Variants in RNF213 observed in about 807,000 individuals in gnomAD.
RNF213 encodes E3 ubiquitin-protein ligase RNF213.
A neutral mutation model predicts 514.4 loss-of-function variants in RNF213; 341 were observed. The ratio of observed to expected loss-of-function variants is 0.66; its 90% CI spans 0.61 to 0.73. RNF213 has a LOEUF of 0.73. Among genes scored for constraint, RNF213 ranks in the 30% least tolerant of loss-of-function variants. The pLI is 0.00. For missense variants in RNF213, 5,767 were observed against 6,615.6 expected (o/e 0.87, Z 4.45); for synonymous variants, 2,655 against 2,658.2 (o/e 1.00, Z 0.04).
chr17:80,392,639 G>A (rs1378965009), intron 67 of RNF213, among the ~76,000 whole-genome samples: 2 of 151,978 alleles, frequency 1.3e-5, no homozygotes, highest in Non-Finnish European at 2.9e-5. Flanking sequence ...GCCCAGGCTG[G>A]AGTGCAGTGG....
Position 80,327,905 on chromosome 17 carries a change from G to A in RNF213, c.3283G>A (p.Asp1095Asn). 6.5e-7 allele frequency: 1 copy of A among 1,537,252 alleles called. No individual in the cohort carries two copies. Among genetic ancestry groups the A allele is most frequent in the Non-Finnish European group, 8.7e-7 (1 of 1,146,916 alleles). ...ADSVLTKVVG[D>N]LLSGTILVGQ... ...CTCTGTGTTGACGAAAGTTGTTGGT[G>A]ACCTCCTAAGTGGCACGATTTTAGT... The change falls in exon 19 of 68, where the codon GAC (aspartate) becomes AAC (asparagine). Residue 1095 changes from aspartate (D) to asparagine (N), a missense_variant. Around this residue, in one of 13 missense-constraint regions of RNF213, gnomAD observed 516 missense variants for 566.5 expected, o/e 0.91. Coordinates refer to ENST00000582970, the MANE Select transcript of RNF213 (RefSeq NM_001256071.3).
rs1022708291 is a variant in RNF213, at chr17:80,354,459, C to G, written c.10745C>G (p.Ser3582Cys). 1 of 1,614,214 alleles carries G rather than the reference C, an allele frequency of 6.2e-7. No individual in the cohort carries two copies. Among genetic ancestry groups the G allele is most frequent in the Non-Finnish European group, 8.5e-7 (1 of 1,180,042 alleles). ...DACHASFLRVSKMRLSVFLKK... is the reference protein window; with the variant it reads ...DACHASFLRVCKMRLSVFLKK... ...TGTACAGCCTCTTTCTTGCGGGTAT[C>G]CAAGATGCGCCTCAGTGTCTTTTTA... Residue 3582 changes from serine (S) to cysteine (C), a missense_variant, in exon 36 of 68, where the codon TCC becomes TGC. By Grantham distance (112) the Ser-to-Cys change is moderately radical. Coordinates refer to ENST00000582970, the MANE Select transcript of RNF213 (RefSeq NM_001256071.3).
chr17:80,276,339 C>G (rs1035356106), intron 3 of RNF213, among the ~76,000 whole-genome samples: 2 of 151,332 alleles, frequency 1.3e-5, no homozygotes, highest in African/African-American at 4.9e-5. Context: ...ACTTCAGGTG[C>G]TCTGCCCACC....
At chr17:80,276,256 A>G (rs8074544) in intron 3 of RNF213, among the ~76,000 whole-genome samples, 60,450 of 151,490 alleles carry the variant, frequency 0.4, 12,240 homozygotes, top group Non-Finnish European at 0.44. Context: ...ATGCACCACC[A>G]TGTCTGGCTA....
At chr17:80,390,288 T>A in intron 67 of RNF213, 92 bp downstream of exon 67, 1 of 1,401,656 alleles carries the variant, frequency 7.1e-7, no homozygotes, top group Non-Finnish European at 1.0e-6. Context: ...GTTCTTTTCT[T>A]ACCACAGAAT....
intron 61 of RNF213, 46 bp downstream of exon 61, chr17:80,385,667 C>A (rs756838073): frequency 6.6e-7 from 1 of 1,511,206 alleles, no homozygotes; most frequent in Non-Finnish European, 9.2e-7. Context: ...AGGAGAGCCT[C>A]GTCTGAAAGC....
At position 80,340,091 on chromosome 17, in the gene RNF213, G is replaced by T. The variant is rs757738943; in HGVS notation, c.5724G>T (p.Ala1908=). ...DQLSYEVARQ[A]EELFHNLCTQ... ...TGAGCTACGAGGTGGCACGCCAAGC[G>T]GAGGAGCTTTTCCACAATCTGTGCA... Residue 1908 remains alanine (A), a synonymous_variant, in exon 26 of 68, where the codon GCG becomes GCT. Transcript: ENST00000582970. 2.5e-6 allele frequency: 4 copies of T among 1,607,086 alleles called. No individual in the cohort carries two copies. The highest frequency in any genetic ancestry group is 3.4e-6 in the Non-Finnish European group (4 of 1,178,012).
Position 80,344,024 on chromosome 17 carries a change from T to C in RNF213, c.6342+9T>C. The C allele has an allele frequency of 6.2e-7, 1 of 1,610,392 alleles. No individual in the cohort carries two copies. Among genetic ancestry groups the C allele is most frequent in the South Asian group, 1.1e-5 (1 of 90,626 alleles). ...GGAGCTCTTCAGCGCTGGTCTGTAC[T>C]GTGGGGCGTTTTCGCCTGGCGTGGG... On this transcript the variant is annotated intron_variant, in intron 28 of 67. Coordinates refer to ENST00000582970, the MANE Select transcript of RNF213 (RefSeq NM_001256071.3).
chr17:80,302,321 G>A (rs28366412), intron 11 of RNF213, among the ~76,000 whole-genome samples: 2,802 of 152,200 alleles, frequency 0.018, 74 homozygotes, highest in African/African-American at 0.063. Context: ...AGATAGATAT[G>A]CTAATTACCC....
chr17:80,304,015 A>G (rs1312852022), intron 11 of RNF213, among the ~76,000 whole-genome samples: 1 of 150,982 alleles, frequency 6.6e-6, no homozygotes, highest in African/African-American at 2.4e-5. Context: ...TGGATGGTCC[A>G]TATTTACCTA....
Position 80,288,293 on chromosome 17 carries a change from AAGG to A in RNF213, c.744_746del (p.Gly249del). 6.2e-7 allele frequency: 1 copy of A among 1,613,012 alleles called. No individual in the cohort carries two copies. Among genetic ancestry groups the A allele is most frequent in the Non-Finnish European group, 8.5e-7 (1 of 1,179,990 alleles). On this transcript the variant is annotated inframe_deletion, in exon 4 of 68. Transcript: ENST00000582970. This position sits in a 1 kb window ranked among gnomAD's most constrained non-coding sequence, Gnocchi z 4.9. ...CAGGAGCTCCTGTTGCCTGAGTCAA[AAGG>A]AGGCAGCTCTGAGCCCGGGACAGAA... is the stretch of plus-strand genomic sequence containing the variant.
Position 80,396,748 on chromosome 17 carries a change from A to G in RNF213, c.*3250A>G, listed in dbSNP as rs945421738. 9.6e-5 allele frequency: 4 copies of G among 41,548 alleles called. No individual in the cohort carries two copies. In the Admixed American group the frequency reaches 1.3e-3, roughly 13 times the overall value. The allele number at this position is 41,548 out of a possible 1,614,324, so 2.6% of individuals were successfully genotyped here. On this transcript the variant is annotated 3_prime_UTR_variant, in exon 68 of 68. Transcript: ENST00000582970. ...ATTTCCCCCCCACCCCCCCCCCCCAACCAGAGCAACTTTGGTCAGAAGTCA... is the reference window on the plus strand; with the variant it reads ...ATTTCCCCCCCACCCCCCCCCCCCAGCCAGAGCAACTTTGGTCAGAAGTCA...
Position 80,288,892 on chromosome 17 carries a change from T to C in RNF213, c.933+137T>C. Reference sequence around the variant, plus strand: ...TCAGACAAAGCTCTGGCCTTCGGGGTGCTCACATTCCAGCGGAGAGAGAGT... The same window carrying C: ...TCAGACAAAGCTCTGGCCTTCGGGGCGCTCACATTCCAGCGGAGAGAGAGT... On this transcript the variant is annotated intron_variant, in intron 5 of 67. Transcript: ENST00000582970. This position sits in a 1 kb window ranked among gnomAD's most constrained non-coding sequence, Gnocchi z 4.9. 1 of 1,458,708 alleles carries C rather than the reference T, an allele frequency of 6.9e-7. No homozygotes were observed. The highest frequency in any genetic ancestry group is 9.4e-7 in the Non-Finnish European group (1 of 1,062,818). The allele number at this position is 1,458,708 out of a possible 1,614,324, so 90.4% of individuals were successfully genotyped here. A position where few individuals can be genotyped will look rare whatever the true frequency, so the allele number is the denominator to read the frequency against.
chr17:80,354,662 C>T, intron 36 of RNF213, 86 bp downstream of exon 36: 2 of 1,505,226 alleles, frequency 1.3e-6, no homozygotes, highest in East Asian at 2.3e-5. Context: ...TCCATCCGGG[C>T]CATGGGGACT....
chr17:80,292,104 T>C, intron 8 of RNF213: 1 of 500,508 alleles, frequency 2.0e-6, no homozygotes, highest in East Asian at 3.7e-5. Context: ...GTTTGTTTGT[T>C]TTCTGAGACA....
chr17:80,322,118 A>G (rs999041015), intron 17 of RNF213, among the ~76,000 whole-genome samples: 1 of 149,422 alleles, frequency 6.7e-6, no homozygotes, highest in Admixed American at 6.7e-5. Flanking sequence ...CTTTGGAGAA[A>G]TGTTTATTGA....
chr17:80,389,991 T>A (rs1421012102), intron 66 of RNF213, 21 bp from the exon 67 acceptor site: 1 of 1,614,192 alleles, frequency 6.2e-7, no homozygotes. Flanking sequence ...TAATGCTTCA[T>A]TTGCTCTTCC....
chr17:80,317,117 TCTC>T lies in RNF213; in HGVS notation c.2812-68_2812-66del. ...CTGTATTGCCGTAATGCTCTGTCTT[TCTC>T]CTTTCATGGGAGTGTGCCGTGGCAT... On this transcript the variant is annotated intron_variant, in intron 15 of 67. Coordinates refer to ENST00000582970, the MANE Select transcript of RNF213 (RefSeq NM_001256071.3). The surrounding 1 kb of genome is among the most constrained non-coding windows in gnomAD (Gnocchi z 4.1). The T allele has an allele frequency of 6.6e-7, 1 of 1,505,392 alleles. No individual in the cohort carries two copies. Among genetic ancestry groups the T allele is most frequent in the South Asian group, 1.2e-5 (1 of 84,972 alleles). The allele number at this position is 1,505,392 out of a possible 1,614,324, so 93.3% of individuals were successfully genotyped here.
At chr17:80,306,489 C>G in intron 12 of RNF213, 21 bp downstream of exon 12, 2 of 1,608,358 alleles carry the variant, frequency 1.2e-6, no homozygotes, top group Non-Finnish European at 1.7e-6. Context: ...GAAGTCGGCT[C>G]TGGAGTCCTG....
Sources: allele counts gnomAD v4.1 joint callset (sites outside exome capture counted in the v4.1 genomes callset), GRCh38; gene constraint gnomAD v4.1.1; regional missense constraint gnomAD v4.1.1; non-coding constraint Gnocchi (gnomAD v3.1); transcripts MANE v1.5; gene names NCBI Gene and HGNC (gene_info 2026-07-23, HGNC 2026-07-21).